Variants in SCN11A observed in about 807,000 individuals in gnomAD.
SCN11A encodes the protein sodium channel protein type 11 subunit alpha.
SCN11A carries 122 observed loss-of-function variants against 162.2 expected under a neutral mutation model. The observed-to-expected ratio is 0.75, with a 90% CI of 0.65 to 0.87. The LOEUF (loss-of-function observed/expected upper bound fraction) is 0.87. Among genes scored for constraint, SCN11A ranks in the 40% least tolerant of loss-of-function variants. The probability of loss-of-function intolerance (pLI) is 0.00; values close to 1 mark genes in which losing one functional copy is unlikely to be tolerated. For synonymous variants in SCN11A, 758 were observed against 751.5 expected (o/e 1.01, Z -0.14); for missense variants, 2,015 against 2,181.6 (o/e 0.92, Z 1.52).
chr3:38,892,504 T>G (rs2065516729), intron 19 of SCN11A, among the ~76,000 whole-genome samples: 1 of 151,976 alleles, frequency 6.6e-6, no homozygotes, highest in Non-Finnish European at 1.5e-5. Flanking sequence ...TGCATTGGAG[T>G]AAGAAAATCA....
At chr3:39,017,440 T>C (rs2031323779) in intron 2 of SCN11A, among the ~76,000 whole-genome samples, 4 of 152,260 alleles carry the variant, frequency 2.6e-5, no homozygotes, top group African/African-American at 9.6e-5. Flanking sequence ...TAATGCCTTT[T>C]ATTCTCTCTG....
rs1204406908 is a variant in SCN11A, at chr3:38,870,671, A to G, written c.3813+20T>C. Reference sequence around the variant, plus strand: ...TGACTTGACCATAACACTCCAGAACATGGTAGAACACTGACTCACCTCTGT... The same window carrying G: ...TGACTTGACCATAACACTCCAGAACGTGGTAGAACACTGACTCACCTCTGT... On this transcript the variant is annotated intron_variant, in intron 26 of 29. Coordinates refer to ENST00000302328, the MANE Select transcript of SCN11A (RefSeq NM_001349253.2). 3.7e-6 allele frequency: 6 copies of G among 1,608,150 alleles called. No individual in the cohort carries two copies. The highest frequency in any genetic ancestry group is 4.3e-6 in the Non-Finnish European group (5 of 1,174,700).
At position 38,846,577 on chromosome 3, in the gene SCN11A, A is replaced by G. The variant is rs1467597774; in HGVS notation, c.*117T>C. Reference sequence around the variant, plus strand: ...TCATTTATTTTAGCCAGAAAAGAAAATGGAATGGCTAATTTGGTGAATCCA... The same window carrying G: ...TCATTTATTTTAGCCAGAAAAGAAAGTGGAATGGCTAATTTGGTGAATCCA... On this transcript the variant is annotated 3_prime_UTR_variant, in exon 30 of 30. Transcript: ENST00000302328. 5 of 738,614 alleles carry G rather than the reference A, an allele frequency of 6.8e-6. No individual in the cohort carries two copies. The Admixed American group carries it at 1.2e-4, about 18-fold the overall frequency. 45.8% of individuals were successfully genotyped at this position (738,614 alleles called of 1,614,324 possible).
At chr3:38,950,982 G>A (rs1169933672) in intron 4 of SCN11A, among the ~76,000 whole-genome samples, 1 of 152,272 alleles carries the variant, frequency 6.6e-6, no homozygotes, top group African/African-American at 2.4e-5. Context: ...AGAGGTGACA[G>A]CGTGCTGGCA....
At chr3:38,988,163 A>G (rs1255059160) in intron 2 of SCN11A, among the ~76,000 whole-genome samples, 4 of 152,110 alleles carry the variant, frequency 2.6e-5, no homozygotes, top group African/African-American at 9.7e-5. Context: ...AGTTACACAC[A>G]CATAAAGCTG....
intron 7 of SCN11A, among the ~76,000 whole-genome samples, chr3:38,932,284 C>T (rs867965800): frequency 2.6e-5 from 4 of 152,178 alleles, no homozygotes; most frequent in Non-Finnish European, 5.9e-5. Context: ...CAGCTCCCAG[C>T]GTGAGCGACG....
At chr3:38,977,984 C>T (rs934230131) in intron 2 of SCN11A, among the ~76,000 whole-genome samples, 4 of 152,180 alleles carry the variant, frequency 2.6e-5, no homozygotes, top group African/African-American at 9.7e-5. Flanking sequence ...AATTATTTTC[C>T]TTTTAGAAGA....
rs144070491 is a variant in SCN11A, at chr3:38,885,288, C to A, written c.3064G>T (p.Gly1022Cys). The A allele has an allele frequency of 1.3e-6, 2 of 1,581,862 alleles. No homozygotes were observed. Among genetic ancestry groups the A allele is most frequent in the Non-Finnish European group, 1.7e-6 (2 of 1,150,632 alleles). ...TGGATGCAGAAATACTGCCACTTAC[C>A]TTTGGGCAAACATCTCTCTGGTTGC... ...KKQPERCLPK[G>C]FGCCFPCCSV... The change falls in exon 21 of 30, where the codon GGC becomes TGC. Residue 1022 changes from glycine (G) to cysteine (C), a missense_variant and splice_region_variant. By Grantham distance (159) the Gly-to-Cys change is radical. Transcript: ENST00000302328.
At chr3:38,979,363 T>C (rs546334041) in intron 2 of SCN11A, among the ~76,000 whole-genome samples, 1 of 152,346 alleles carries the variant, frequency 6.6e-6, no homozygotes, top group Admixed American at 6.5e-5. Context: ...TATTGTAAGC[T>C]TTCTCCGGTG....
chr3:38,890,666 A>T (rs1323795744), intron 19 of SCN11A, among the ~76,000 whole-genome samples: 1 of 152,266 alleles, frequency 6.6e-6, no homozygotes, highest in Non-Finnish European at 1.5e-5. Context: ...TCCAGCAATT[A>T]GTTGAGCCTA....
At chr3:38,883,206 T>A (rs372107995) in intron 22 of SCN11A, 27 bp downstream of exon 22, 1 of 1,597,436 alleles carries the variant, frequency 6.3e-7, no homozygotes, top group South Asian at 1.1e-5. Flanking sequence ...TGATGCCCAA[T>A]GTCTCCACAA....
chr3:39,043,580 CA>C (rs1200012574), intron 1 of SCN11A, among the ~76,000 whole-genome samples: 2 of 149,616 alleles, frequency 1.3e-5, no homozygotes, highest in Non-Finnish European at 1.5e-5. Context: ...GCACAGAAAG[CA>C]AACATCACAT....
chr3:38,925,866 C>T (rs1388294135), intron 8 of SCN11A, among the ~76,000 whole-genome samples: 1 of 152,258 alleles, frequency 6.6e-6, no homozygotes, highest in African/African-American at 2.4e-5. Flanking sequence ...TCTCCTGCCA[C>T]TACATGGTCA....
intron 2 of SCN11A, among the ~76,000 whole-genome samples, chr3:38,993,387 T>A (rs1367169109): frequency 6.6e-6 from 1 of 152,224 alleles, no homozygotes; most frequent in Non-Finnish European, 1.5e-5. Context: ...GGTCTCACTC[T>A]CCTCGGCCAG....
intron 2 of SCN11A, among the ~76,000 whole-genome samples, chr3:38,998,049 G>A (rs1370507420): frequency 1.3e-5 from 2 of 152,020 alleles, no homozygotes; most frequent in Non-Finnish European, 2.9e-5. Flanking sequence ...AAAAACAGAG[G>A]GATTCTTTGC....
Position 38,904,054 on chromosome 3 carries a change from T to C in SCN11A, c.1653A>G (p.Ala551=), listed in dbSNP as rs746141724. The change falls in exon 16 of 30, where the codon GCA becomes GCG. Residue 551 remains alanine, a synonymous_variant. Coordinates refer to ENST00000302328, the MANE Select transcript of SCN11A (RefSeq NM_001349253.2). ...AACAGTTCCACACGAGGTACTTGGA[T>C]GCCAGGTTTTCTCCACAAGGGAGAC... ...EPCLPCGENL[A]SKYLVWNCCP... is the part of the protein sequence containing the mutation. 13 of 1,601,728 alleles carry C rather than the reference T, an allele frequency of 8.1e-6. No homozygotes were observed. The highest frequency in any genetic ancestry group is 2.7e-5 in the African/African-American group (2 of 74,236).
chr3:38,987,297 T>A (rs1459671004), intron 2 of SCN11A, among the ~76,000 whole-genome samples: 11 of 117,180 alleles, frequency 9.4e-5, no homozygotes, highest in Middle Eastern at 4.2e-3. Context: ...TCTCTCTCTC[T>A]CTCTCTCACA....
At chr3:38,957,099 TAGAG>T (rs2066690905) in intron 3 of SCN11A, among the ~76,000 whole-genome samples, 1 of 152,100 alleles carries the variant, frequency 6.6e-6, no homozygotes, top group Non-Finnish European at 1.5e-5. Context: ...AATTTAAAGT[TAGAG>T]AGACCCCCTA....
intron 1 of SCN11A, among the ~76,000 whole-genome samples, chr3:39,044,428 A>T (rs1484622324): frequency 1.3e-5 from 2 of 152,210 alleles, no homozygotes. Context: ...AGCCCTCAAA[A>T]CAAGTCTCAA....
Sources: gnomAD v4.1 joint callset for allele counts (sites outside exome capture counted in the v4.1 genomes callset) on GRCh38, gnomAD v4.1.1 for gene constraint, MANE v1.5 for transcripts, NCBI Gene and HGNC (gene_info 2026-07-23, HGNC 2026-07-21) for gene names.